Variants in TLN2 observed in about 807,000 individuals in gnomAD.
TLN2 encodes the protein talin 2, also known as talin-2.
A neutral mutation model predicts 294.7 loss-of-function variants in TLN2; 118 were observed. The ratio of observed to expected loss-of-function variants is 0.40; its 90% confidence interval spans 0.34 to 0.47. The LOEUF (loss-of-function observed/expected upper bound fraction) is 0.47. Among genes scored for constraint, TLN2 ranks in the 20% least tolerant of loss-of-function variants. The pLI, the probability that TLN2 is intolerant of heterozygous loss-of-function variation, is 0.84. For missense variants in TLN2, 3,083 were observed against 3,282.2 expected (o/e 0.94, Z 1.48); for synonymous variants, 1,431 against 1,304.5 (o/e 1.10, Z -2.09).
At chr15:62,585,171 A>G (rs961257370) in intron 1 of TLN2, among the ~76,000 whole-genome samples, 1 of 152,214 alleles carries the variant, frequency 6.6e-6, no homozygotes, top group Non-Finnish European at 1.5e-5. Context: ...CCTTCAACTT[A>G]CACCCACATT....
At chr15:62,675,166 A>G in intron 10 of TLN2, 51 bp from the exon 11 acceptor site, 1 of 1,563,528 alleles carries the variant, frequency 6.4e-7, no homozygotes, top group East Asian at 2.2e-5. Context: ...CTCCAAGTCC[A>G]CCTGCTGGCA....
At chr15:62,404,008 C>G (rs138175104) in intron 1 of TLN2, among the ~76,000 whole-genome samples, 2 of 152,026 alleles carry the variant, frequency 1.3e-5, no homozygotes, top group African/African-American at 2.4e-5. Context: ...GATAGGTACT[C>G]GACAAAAAAT....
chr15:62,827,203 C>A (rs2068297571), intron 54 of TLN2, among the ~76,000 whole-genome samples: 1 of 152,120 alleles, frequency 6.6e-6, no homozygotes, highest in Non-Finnish European at 1.5e-5. Flanking sequence ...AAGAAAAAGA[C>A]CATGGGAGGA....
intron 1 of TLN2, among the ~76,000 whole-genome samples, chr15:62,497,017 C>T (rs1264913059): frequency 6.6e-6 from 1 of 152,162 alleles, no homozygotes; most frequent in Non-Finnish European, 1.5e-5. Context: ...ATTTCTTCCT[C>T]CTCTGGATTA....
chr15:62,606,217 G>T (rs1018270515), intron 2 of TLN2, among the ~76,000 whole-genome samples: 1 of 151,356 alleles, frequency 6.6e-6, no homozygotes, highest in Non-Finnish European at 1.5e-5. Flanking sequence ...ATGCAGCTGG[G>T]ACTATAGGCA....
rs114025742 is a variant in TLN2, at chr15:62,543,330, G to T, written c.-237-46357G>T. On this transcript the variant is annotated intron_variant, in intron 1 of 58. Transcript: ENST00000636159. ...TTCATTAATTCAGCATATATTTGCT[G>T]AGTACCTACTATGCCAAGCTCTAGG... Among the ~76,000 whole-genome samples, 1,359 of 152,298 alleles carry T rather than the reference G, an allele frequency of 8.9e-3. 28 individuals are homozygous for T. The highest frequency in any genetic ancestry group is 0.031 in the African/African-American group (1,305 of 41,556).
intron 1 of TLN2, among the ~76,000 whole-genome samples, chr15:62,400,131 G>T (rs1356334158): frequency 6.6e-6 from 1 of 152,158 alleles, no homozygotes; most frequent in Admixed American, 6.5e-5. Context: ...ATGGTTTTAT[G>T]AGGGGCTTTT....
intron 3 of TLN2, among the ~76,000 whole-genome samples, chr15:62,622,025 C>A (rs1224710481): frequency 2.0e-5 from 3 of 152,060 alleles, no homozygotes; most frequent in African/African-American, 2.4e-5. Flanking sequence ...GCTTTCCCAT[C>A]CTTCCCCGGC....
intron 1 of TLN2, among the ~76,000 whole-genome samples, chr15:62,399,284 A>AAAAAAAAAT (rs1475579160): frequency 2.0e-5 from 3 of 150,882 alleles, no homozygotes; most frequent in Non-Finnish European, 4.4e-5. Flanking sequence ...AAAAAAAAAA[A>AAAAAAAAAT]AGTAAGAAAT....
intron 1 of TLN2, among the ~76,000 whole-genome samples, chr15:62,584,835 G>A (rs917818448): frequency 2.0e-5 from 3 of 152,208 alleles, no homozygotes; most frequent in Admixed American, 2.0e-4. Context: ...AGTAGTAAAT[G>A]TGTCAAAAAT....
At chr15:62,640,713 A>G (rs2050967031) in intron 3 of TLN2, among the ~76,000 whole-genome samples, 1 of 152,222 alleles carries the variant, frequency 6.6e-6, no homozygotes, top group Admixed American at 6.5e-5. Context: ...CTCACAGCTC[A>G]TCCTCAGAAA....
intron 1 of TLN2, among the ~76,000 whole-genome samples, chr15:62,584,790 C>T (rs1379236095): frequency 6.6e-6 from 1 of 152,188 alleles, no homozygotes; most frequent in African/African-American, 2.4e-5. Flanking sequence ...TTGGTTTATT[C>T]GTTTGCTTCT....
At chr15:62,658,889 G>A (rs1397011907) in intron 9 of TLN2, among the ~76,000 whole-genome samples, 3 of 152,134 alleles carry the variant, frequency 2.0e-5, no homozygotes, top group Non-Finnish European at 4.4e-5. Context: ...CACGGATATT[G>A]AGGAATAAAC....
chr15:62,732,431 A>G (rs2060782943), intron 28 of TLN2, among the ~76,000 whole-genome samples: 1 of 152,250 alleles, frequency 6.6e-6, no homozygotes, highest in South Asian at 2.1e-4. Flanking sequence ...AGATGGTGAA[A>G]GTAATAGGCA....
intron 19 of TLN2, among the ~76,000 whole-genome samples, chr15:62,704,198 C>T (rs117308437): frequency 0.025 from 3,754 of 152,038 alleles, 77 homozygotes; most frequent in Middle Eastern, 0.054. Flanking sequence ...CAAAAAATTA[C>T]GAACTTATAT....
chr15:62,640,727 C>G (rs914503841), intron 3 of TLN2, among the ~76,000 whole-genome samples: 1 of 152,168 alleles, frequency 6.6e-6, no homozygotes, highest in Non-Finnish European at 1.5e-5. Flanking sequence ...TCAGAAAGTT[C>G]TGTGTCTAGG....
At chr15:62,833,719 C>G (rs1342602917) in intron 55 of TLN2, 90 bp downstream of exon 55, 1 of 1,518,888 alleles carries the variant, frequency 6.6e-7, no homozygotes, top group Admixed American at 2.1e-5. Context: ...TTGTCCTGAC[C>G]AAGGAAACAC....
chr15:62,651,964 T>TC, intron 5 of TLN2, 41 bp from the exon 6 acceptor site: 1 of 1,518,602 alleles, frequency 6.6e-7, no homozygotes, highest in Non-Finnish European at 8.9e-7. Flanking sequence ...TTATTTATTT[T>TC]CCCCACACAG....
Position 62,767,806 on chromosome 15 carries a change from AG to A in TLN2, c.5196+1385del, listed in dbSNP as rs1485521536. Among the ~76,000 whole-genome samples the A allele has an allele frequency of 4.6e-5, 7 of 152,340 alleles. No individual in the cohort carries two copies. In the East Asian group the frequency reaches 1.3e-3, roughly 29 times the overall value. On this transcript the variant is annotated intron_variant, in intron 41 of 58. Transcript: ENST00000636159. ...TAGGAGAGAAGCTGGACATTTTTTCAGCAGTTACTTTTGATTCCAGAACTTT... is the reference window on the plus strand; with the variant it reads ...TAGGAGAGAAGCTGGACATTTTTTCACAGTTACTTTTGATTCCAGAACTTT...
Sources: gnomAD v4.1 joint callset for allele counts (sites outside exome capture counted in the v4.1 genomes callset) on GRCh38, gnomAD v4.1.1 for gene constraint, MANE v1.5 for transcripts, NCBI Gene and HGNC (gene_info 2026-07-23, HGNC 2026-07-21) for gene names.